The following CSMD3 variants were observed in gnomAD, a reference collection of about 807,000 sequenced individuals.
CSMD3 encodes the protein CUB and sushi domain-containing protein 3.
Under a neutral mutation model 435.2 loss-of-function variants are expected in CSMD3, and 177 were observed. The observed-to-expected ratio is 0.41, with a 90% CI of 0.36 to 0.46. The LOEUF (loss-of-function observed/expected upper bound fraction) is 0.46, where lower values mean the gene tolerates loss of function less well. Among genes scored for constraint, CSMD3 ranks in the 20% least tolerant of loss-of-function variants. CSMD3 has a pLI of 0.34. For synonymous variants in CSMD3, 1,656 were observed against 1,520.5 expected, an observed-to-expected ratio of 1.09 and a Z score of -2.07; for missense variants, 4,265 against 4,504.6, an observed-to-expected ratio of 0.95 and a Z score of 1.52.
rs766465177 is a variant in CSMD3 at position 112,506,678 on chromosome 8, T to C, written c.4895+13A>G. On this transcript the variant is annotated intron_variant, in intron 29 of 70. Transcript: ENST00000297405. The stretch of plus-strand genomic sequence containing the variant: ...TATTTTTTTAACGTGGAAATAAATA[T>C]ATAAGAACTCACCTGATGAACGCCA... 2 of 1,612,680 alleles carry C rather than the reference T, an allele frequency of 1.2e-6. No individual in the cohort carries two copies. The highest frequency in any genetic ancestry group is 2.2e-5 in the East Asian group (1 of 44,828).
intron 2 of CSMD3, among the ~76,000 whole-genome samples, chr8:113,292,312 G>A (rs898574533): frequency 4.6e-5 from 7 of 151,548 alleles, no homozygotes; most frequent in Admixed American, 1.3e-4. Context: ...AGTCATGTTC[G>A]TAAGTGCATA....
At chr8:112,802,341 G>C (rs1057151186) in intron 12 of CSMD3, among the ~76,000 whole-genome samples, 6 of 151,926 alleles carry the variant, frequency 3.9e-5, no homozygotes, top group Admixed American at 1.3e-4. Flanking sequence ...CATCAAAGAG[G>C]ATGATGCCCT....
chr8:113,416,683 G>T (rs2129880079), intron 1 of CSMD3, among the ~76,000 whole-genome samples: 1 of 152,136 alleles, frequency 6.6e-6, no homozygotes, highest in African/African-American at 2.4e-5. Flanking sequence ...TAACCAAGAA[G>T]TAAGTCAAAG....
At chr8:113,106,464 TC>T (rs1305961338) in intron 4 of CSMD3, among the ~76,000 whole-genome samples, 1 of 152,030 alleles carries the variant, frequency 6.6e-6, no homozygotes, top group East Asian at 1.9e-4. Flanking sequence ...AGAACAGATA[TC>T]CCCTATAGGA....
chr8:112,224,728 T>C lies in CSMD3; in HGVS notation c.*43A>G. ...AGTGAACTAAATGTGCACTGTTTTG[T>C]GTGTCGATTTCCAAGCTTCTGAAGA... On this transcript the variant is annotated 3_prime_UTR_variant, in exon 71 of 71. Transcript: ENST00000297405. 2 of 1,605,684 alleles carry C rather than the reference T, an allele frequency of 1.2e-6. No individual in the cohort carries two copies. The highest frequency in any genetic ancestry group is 1.7e-4 in the Middle Eastern group (1 of 6,038).
At chr8:112,945,531 G>A (rs1312993513) in intron 9 of CSMD3, among the ~76,000 whole-genome samples, 2 of 151,010 alleles carry the variant, frequency 1.3e-5, no homozygotes, top group Admixed American at 1.3e-4. Flanking sequence ...CTGAGCAGAT[G>A]TTACCCTAAA....
intron 1 of CSMD3, among the ~76,000 whole-genome samples, chr8:113,351,789 A>G (rs899681099): frequency 3.9e-5 from 6 of 152,198 alleles, no homozygotes; most frequent in Non-Finnish European, 8.8e-5. Context: ...ATGTTGAAAT[A>G]ATTAATAACT....
intron 13 of CSMD3, among the ~76,000 whole-genome samples, chr8:112,741,981 C>T (rs1189745127): frequency 2.0e-5 from 3 of 151,736 alleles, no homozygotes; most frequent in Non-Finnish European, 4.4e-5. Flanking sequence ...AATTAATAGG[C>T]TTGACAGAAA....
chr8:113,228,475 T>G (rs147628352), intron 3 of CSMD3, among the ~76,000 whole-genome samples: 1 of 151,700 alleles, frequency 6.6e-6, no homozygotes, highest in East Asian at 1.9e-4. Flanking sequence ...GTACAAAAAT[T>G]TGGGTATTGT....
At chr8:112,355,812 G>A (rs1453897570) in intron 38 of CSMD3, among the ~76,000 whole-genome samples, 2 of 151,800 alleles carry the variant, frequency 1.3e-5, no homozygotes, top group Non-Finnish European at 2.9e-5. Context: ...CAGCCTGGGC[G>A]ACAGAGCTGG....
intron 4 of CSMD3, among the ~76,000 whole-genome samples, chr8:113,133,057 A>T (rs2091323879): frequency 6.6e-6 from 1 of 152,174 alleles, no homozygotes; most frequent in Admixed American, 6.6e-5. Flanking sequence ...ACAAAAGCAA[A>T]AATAGACAAA....
chr8:112,307,032 G>GA (rs71672988), intron 50 of CSMD3, among the ~76,000 whole-genome samples: 1,862 of 138,046 alleles, frequency 0.013, 9 homozygotes, highest in African/African-American at 0.022. Context: ...CTTAGAAACA[G>GA]AAAAAAAAAA....
chr8:113,122,536 A>G (rs1452070687), intron 4 of CSMD3, among the ~76,000 whole-genome samples: 2 of 152,140 alleles, frequency 1.3e-5, no homozygotes, highest in African/African-American at 4.8e-5. Flanking sequence ...ACCCAGGAAT[A>G]TTTCAGCAGG....
intron 9 of CSMD3, among the ~76,000 whole-genome samples, chr8:112,926,605 C>A (rs1388560389): frequency 6.6e-6 from 1 of 152,008 alleles, no homozygotes; most frequent in Admixed American, 6.6e-5. Context: ...TGCAAAAACA[C>A]CCTATAATAT....
chr8:112,791,581 T>C (rs1468964774), intron 13 of CSMD3, among the ~76,000 whole-genome samples: 1 of 152,194 alleles, frequency 6.6e-6, no homozygotes, highest in African/African-American at 2.4e-5. Context: ...TTTTTATTGA[T>C]GAGTAGTATT....
chr8:112,320,584 C>T (rs1822898673), intron 45 of CSMD3, among the ~76,000 whole-genome samples: 1 of 151,578 alleles, frequency 6.6e-6, no homozygotes, highest in African/African-American at 2.4e-5. Context: ...TGGTGTGCTG[C>T]ACCCATTAAC....
intron 56 of CSMD3, 72 bp downstream of exon 56, chr8:112,291,438 T>C (rs2130674259): frequency 9.7e-7 from 1 of 1,025,876 alleles, no homozygotes; most frequent in Non-Finnish European, 1.5e-6. Context: ...TTAGGTCATT[T>C]TATAAAGATG....
intron 6 of CSMD3, among the ~76,000 whole-genome samples, chr8:112,976,939 A>G (rs918011466): frequency 6.6e-6 from 1 of 151,982 alleles, no homozygotes; most frequent in Non-Finnish European, 1.5e-5. Flanking sequence ...TAAATATCTC[A>G]TAAGCATTTC....
At chr8:113,300,985 A>T (rs2093761703) in intron 2 of CSMD3, among the ~76,000 whole-genome samples, 1 of 152,180 alleles carries the variant, frequency 6.6e-6, no homozygotes, top group African/African-American at 2.4e-5. Flanking sequence ...ATGTCCCAGA[A>T]AACTAAATGG....
Sources: gnomAD v4.1 joint callset for allele counts (sites outside exome capture counted in the v4.1 genomes callset) on GRCh38, gnomAD v4.1.1 for gene constraint, MANE v1.5 for transcripts, NCBI Gene and HGNC (gene_info 2026-07-23, HGNC 2026-07-21) for gene names.